Variants in SYT1 observed in about 807,000 individuals in gnomAD.
SYT1 encodes synaptotagmin-1.
In SYT1, 8 loss-of-function variants were observed where a neutral mutation model predicts 44.8. The ratio of observed to expected loss-of-function variants is 0.18; its 90% CI spans 0.10 to 0.32. The LOEUF is 0.32. Among genes scored for constraint, SYT1 ranks in the 10% least tolerant of loss-of-function variants. The pLI, the probability that SYT1 is intolerant of heterozygous loss-of-function variation, is 1.00. For synonymous variants in SYT1, 154 were observed against 188.8 expected (o/e 0.82, Z 1.51); for missense variants, 286 against 509.3 (o/e 0.56, Z 4.22).
intron 2 of SYT1, among the ~76,000 whole-genome samples, chr12:79,028,094 T>C (rs1394577078): frequency 6.6e-6 from 1 of 151,530 alleles, no homozygotes; most frequent in Non-Finnish European, 1.5e-5. Flanking sequence ...GTTCAAGTAA[T>C]ATTGTAAAAA....
At chr12:79,186,112 T>C (rs1282680958) in intron 3 of SYT1, among the ~76,000 whole-genome samples, 1 of 152,010 alleles carries the variant, frequency 6.6e-6, no homozygotes. Flanking sequence ...TTTCCTCTCA[T>C]CTTTCTTTGC....
At chr12:78,964,965 T>C (rs1879695369) in intron 1 of SYT1, among the ~76,000 whole-genome samples, 1 of 152,006 alleles carries the variant, frequency 6.6e-6, no homozygotes, top group Admixed American at 6.6e-5. Context: ...ATGTAAATAA[T>C]AATATTTTAT....
At chr12:79,206,139 A>C (rs1434572627) in intron 3 of SYT1, among the ~76,000 whole-genome samples, 2 of 152,116 alleles carry the variant, frequency 1.3e-5, no homozygotes, top group Admixed American at 6.6e-5. Flanking sequence ...TGTGCACACA[A>C]AAAAAACAAA....
At chr12:79,299,080 G>T (rs1880005635) in intron 7 of SYT1, among the ~76,000 whole-genome samples, 1 of 152,004 alleles carries the variant, frequency 6.6e-6, no homozygotes. Context: ...CAATTGGCTT[G>T]TTTATTGTTT....
Position 78,875,429 on chromosome 12 carries a change from T to C in SYT1, c.-217+10320T>C, listed in dbSNP as rs114212982. Among the ~76,000 whole-genome samples, 195 of 151,420 alleles carry C rather than the reference T, an allele frequency of 1.3e-3. 1 individual carries two copies. Among genetic ancestry groups the C allele is most frequent in the African/African-American group, 4.5e-3 (185 of 41,408 alleles). Reference sequence around the variant, plus strand: ...TAAAATTGTAAAATAGGCTAATAAATAAAACAGAGCAATAGTGGGGAATGT... The same window carrying C: ...TAAAATTGTAAAATAGGCTAATAAACAAAACAGAGCAATAGTGGGGAATGT... On this transcript the variant is annotated intron_variant, in intron 1 of 10. Coordinates refer to ENST00000261205, the MANE Select transcript of SYT1 (RefSeq NM_005639.3).
intron 4 of SYT1, among the ~76,000 whole-genome samples, chr12:79,268,519 GTGAATGAATGAA>G (rs904237119): frequency 1.6e-4 from 25 of 152,288 alleles, no homozygotes; most frequent in African/African-American, 6.0e-4. Context: ...GAATGAATGA[GTGAATGAATGAA>G]TGAATGAGTC....
intron 4 of SYT1, among the ~76,000 whole-genome samples, chr12:79,282,010 CCTTT>C (rs1879078245): frequency 6.6e-6 from 1 of 152,088 alleles, no homozygotes; most frequent in African/African-American, 2.4e-5. Context: ...GCTCATGGTC[CCTTT>C]CTTTATCTAC....
At chr12:79,104,021 G>A (rs1878576608) in intron 3 of SYT1, among the ~76,000 whole-genome samples, 1 of 152,018 alleles carries the variant, frequency 6.6e-6, no homozygotes, top group Admixed American at 6.5e-5. Flanking sequence ...ACTAAAAATA[G>A]CTGCACAGGG....
At chr12:79,096,309 T>C (rs1352105625) in intron 3 of SYT1, among the ~76,000 whole-genome samples, 1 of 151,964 alleles carries the variant, frequency 6.6e-6, no homozygotes, top group Non-Finnish European at 1.5e-5. Flanking sequence ...AAGGATAGAT[T>C]TTTCAGAGCT....
intron 3 of SYT1, among the ~76,000 whole-genome samples, chr12:79,174,325 A>C (rs1422506408): frequency 6.6e-6 from 1 of 152,040 alleles, no homozygotes; most frequent in Non-Finnish European, 1.5e-5. Context: ...CAGAAAAAAT[A>C]AGTGGCTTCA....
chr12:79,438,544 G>C (rs906330921), intron 9 of SYT1, among the ~76,000 whole-genome samples: 1 of 152,266 alleles, frequency 6.6e-6, no homozygotes, highest in African/African-American at 2.4e-5. Flanking sequence ...CCAGGCCGCA[G>C]GTGTCTGCCC....
chr12:79,161,967 A>G (rs972083985), intron 3 of SYT1, among the ~76,000 whole-genome samples: 1 of 152,120 alleles, frequency 6.6e-6, no homozygotes, highest in African/African-American at 2.4e-5. Context: ...TCTTTTAACT[A>G]TGAAGACATA....
At chr12:78,953,931 A>G (rs1879092892) in intron 1 of SYT1, among the ~76,000 whole-genome samples, 1 of 152,068 alleles carries the variant, frequency 6.6e-6, no homozygotes, top group Non-Finnish European at 1.5e-5. Context: ...AATGATATTT[A>G]TATGTCTACT....
At chr12:78,985,545 T>G (rs1362946729) in intron 2 of SYT1, among the ~76,000 whole-genome samples, 1 of 151,804 alleles carries the variant, frequency 6.6e-6, no homozygotes, top group South Asian at 2.1e-4. Context: ...GGGGACAGAA[T>G]TGTCACCCTG....
chr12:78,973,742 A>G (rs1005941701), intron 1 of SYT1, among the ~76,000 whole-genome samples: 2 of 151,184 alleles, frequency 1.3e-5, no homozygotes, highest in African/African-American at 4.9e-5. Flanking sequence ...CTTGGAGACA[A>G]TTTTCAAAAT....
intron 3 of SYT1, among the ~76,000 whole-genome samples, chr12:79,123,309 ATGTG>A (rs66869713): frequency 0.11 from 15,980 of 141,506 alleles, 2,400 homozygotes; most frequent in African/African-American, 0.35. Context: ...TAAAAATGCA[ATGTG>A]TGTGTGTGTG....
chr12:78,923,877 C>A (rs1334982063), intron 1 of SYT1, among the ~76,000 whole-genome samples: 1 of 151,986 alleles, frequency 6.6e-6, no homozygotes, highest in South Asian at 2.1e-4. Context: ...ATTATCTAAT[C>A]TACAGACTTA....
chr12:79,063,271 A>G (rs1027633406), intron 3 of SYT1, among the ~76,000 whole-genome samples: 2 of 152,114 alleles, frequency 1.3e-5, no homozygotes, highest in African/African-American at 4.8e-5. Context: ...TTATGCTTCT[A>G]TTTTATCAGG....
intron 2 of SYT1, among the ~76,000 whole-genome samples, chr12:79,002,078 GC>G (rs1870775073): frequency 6.6e-6 from 1 of 152,020 alleles, no homozygotes; most frequent in African/African-American, 2.4e-5. Context: ...TGCTACAGTT[GC>G]ATAGAAATGT....
Sources: allele counts gnomAD v4.1 joint callset (sites outside exome capture counted in the v4.1 genomes callset), GRCh38; gene constraint gnomAD v4.1.1; transcripts MANE v1.5; gene names NCBI Gene and HGNC (gene_info 2026-07-23, HGNC 2026-07-21).